Variants in DAOA observed in about 807,000 individuals in gnomAD.
DAOA encodes D-amino acid oxidase regulator.
DAOA carries 15 observed loss-of-function variants against 16.4 expected under a neutral mutation model. The ratio of observed to expected loss-of-function variants is 0.91; its 90% CI spans 0.61 to 1.41. The LOEUF (loss-of-function observed/expected upper bound fraction) is 1.41, where lower values mean the gene tolerates loss of function less well. DAOA is among the 40% of genes most tolerant of loss of function. The pLI is 0.00. For missense variants in DAOA, 230 were observed against 176.8 expected, an observed-to-expected ratio of 1.30 and a Z score of -1.71; for synonymous variants, 75 against 59.1, an observed-to-expected ratio of 1.27 and a Z score of -1.23.
At chr13:105,467,583 CT>C (rs71114923) in intron 3 of DAOA, 6,252 of 137,220 alleles carry the variant, frequency 0.046, 230 homozygotes, top group African/African-American at 0.1. Flanking sequence ...AATTCTTTTT[CT>C]TTTTTTTTTT....
intron 4 of DAOA, among the ~76,000 whole-genome samples, chr13:105,488,688 C>T (rs999264424): frequency 6.6e-5 from 10 of 152,134 alleles, no homozygotes; most frequent in African/African-American, 2.4e-4. Flanking sequence ...CTGCTTACTC[C>T]ACTGGAAAAG....
At chr13:105,466,150 C>T (rs1876494948) in intron 1 of DAOA, 66 bp from the exon 2 acceptor site, 1 of 1,352,566 alleles carries the variant, frequency 7.4e-7, no homozygotes, top group African/African-American at 1.5e-5. Context: ...TGCAAAAGAG[C>T]TACACCCCAA....
At chr13:105,471,450 C>G (rs1203282113) in intron 3 of DAOA, among the ~76,000 whole-genome samples, 3 of 152,068 alleles carry the variant, frequency 2.0e-5, no homozygotes, top group African/African-American at 7.2e-5. Context: ...AAGAGGGCTT[C>G]TAGGAAATGT....
intron 4 of DAOA, among the ~76,000 whole-genome samples, chr13:105,472,990 A>C (rs1460725220): frequency 6.6e-6 from 1 of 152,130 alleles, no homozygotes; most frequent in African/African-American, 2.4e-5. Context: ...GTAAATCTGG[A>C]TCACCCTCAA....
chr13:105,470,290 CT>C (rs1172470747), intron 3 of DAOA, among the ~76,000 whole-genome samples: 12 of 152,062 alleles, frequency 7.9e-5, no homozygotes, highest in African/African-American at 1.2e-4. Context: ...AAATGCTATT[CT>C]TTTCCAGTTT....
Position 105,472,659 on chromosome 13 carries a change from C to G in DAOA, c.255C>G (p.Val85=), listed in dbSNP as rs1022422500. 3.5e-5 allele frequency: 57 copies of G among 1,613,820 alleles called. No homozygotes were observed. The highest frequency in any genetic ancestry group is 4.7e-5 in the Non-Finnish European group (56 of 1,179,868). Residue 85 remains valine, a synonymous_variant, in exon 4 of 6, where the codon GTC becomes GTG. Transcript: ENST00000375936. The part of the protein sequence containing the change: ...RHLQRSLCPW[V]SYLPQPYAEL... ...TACAGAGATCATTATGTCCTTGGGT[C>G]TCTTACCTTCCTCAGCCCTATGCAG...
chr13:105,466,906 A>G (rs1876560710), intron 2 of DAOA, 147 bp from the exon 3 acceptor site: 2 of 1,077,586 alleles, frequency 1.9e-6, no homozygotes, highest in Non-Finnish European at 2.4e-6. Flanking sequence ...TAAAAAAATA[A>G]GACGTATTTG....
chr13:105,472,557 A>AAG lies in DAOA; in HGVS notation c.159_160dup (p.Thr54ArgfsTer3). The AAG allele has an allele frequency of 6.8e-6, 11 of 1,614,018 alleles. No individual in the cohort carries two copies. Among genetic ancestry groups the AAG allele is most frequent in the Non-Finnish European group, 9.3e-6 (11 of 1,179,922 alleles). Reference sequence around the variant, plus strand: ...TTGCAGCAAAGGAGACAGAAGAAGGAAGAGAGACGGTAACAAGGAAAGAAG... The same window carrying AAG: ...TTGCAGCAAAGGAGACAGAAGAAGGAAGAGAGAGACGGTAACAAGGAAAGAAG... On this transcript the variant is annotated frameshift_variant, in exon 4 of 6. Coordinates refer to ENST00000375936, the MANE Select transcript of DAOA (RefSeq NM_172370.5). LOFTEE classifies it high-confidence loss of function.
Position 105,489,961 on chromosome 13 carries a change from T to G in DAOA, c.342T>G (p.Leu114=), listed in dbSNP as rs766999863. The part of the protein sequence containing the change: ...KVFMARNYEF[L]AYEASKDRRQ... ...TCATGGCAAGAAACTATGAGTTCCT[T>G]GCCTATGAGGCCTCTAAGGACCGCA... Residue 114 remains leucine (L), a synonymous_variant, in exon 5 of 6, where the codon CTT becomes CTG. Coordinates refer to ENST00000375936, the MANE Select transcript of DAOA (RefSeq NM_172370.5). 16 of 1,613,830 alleles carry G rather than the reference T, an allele frequency of 9.9e-6. No homozygotes were observed. The South Asian group carries it at 1.4e-4, about 14-fold the overall frequency.
chr13:105,481,391 A>G (rs1322154285), intron 4 of DAOA, among the ~76,000 whole-genome samples: 1 of 152,144 alleles, frequency 6.6e-6, no homozygotes, highest in Non-Finnish European at 1.5e-5. Flanking sequence ...CTAGGATTTG[A>G]ATTCAAACCC....
At chr13:105,488,531 G>A (rs551944518) in intron 4 of DAOA, among the ~76,000 whole-genome samples, 9 of 152,156 alleles carry the variant, frequency 5.9e-5, no homozygotes, top group African/African-American at 1.4e-4. Flanking sequence ...GCTTAAAAAC[G>A]CAATTATCTG....
chr13:105,486,032 G>A (rs1463748960), intron 4 of DAOA, among the ~76,000 whole-genome samples: 1 of 152,134 alleles, frequency 6.6e-6, no homozygotes, highest in Non-Finnish European at 1.5e-5. Flanking sequence ...CAGCTCCTAT[G>A]TGCCACCTGG....
At chr13:105,490,789 G>A (rs902760827) in intron 5 of DAOA, 123 bp from the exon 6 acceptor site, 2 of 151,542 alleles carry the variant, frequency 1.3e-5, no homozygotes, top group Non-Finnish European at 2.9e-5. Context: ...GTAAGGTAAA[G>A]CAAAAAAAGT....
intron 3 of DAOA, among the ~76,000 whole-genome samples, chr13:105,468,919 C>T (rs564632999): frequency 1.3e-3 from 194 of 152,292 alleles, no homozygotes; most frequent in Non-Finnish European, 2.3e-3. Flanking sequence ...TATTTGCGTG[C>T]TAGTCTTGTT....
chr13:105,475,903 A>G (rs1877297826), intron 4 of DAOA, among the ~76,000 whole-genome samples: 1 of 152,182 alleles, frequency 6.6e-6, no homozygotes, highest in African/African-American at 2.4e-5. Flanking sequence ...TAATGGCTTC[A>G]ATTATTCACA....
intron 4 of DAOA, among the ~76,000 whole-genome samples, chr13:105,480,601 T>C (rs1877669344): frequency 6.6e-6 from 1 of 152,022 alleles, no homozygotes. Context: ...CTCGTGATTA[T>C]AGAGACTGAA....
intron 4 of DAOA, among the ~76,000 whole-genome samples, chr13:105,474,445 G>C (rs972639857): frequency 2.0e-5 from 3 of 152,090 alleles, no homozygotes; most frequent in East Asian, 3.9e-4. Flanking sequence ...GCACTATTCT[G>C]CTTCTTCAAA....
chr13:105,489,777 C>T (rs1316412272), intron 4 of DAOA, 124 bp from the exon 5 acceptor site: 1 of 1,599,652 alleles, frequency 6.3e-7, no homozygotes, highest in South Asian at 1.1e-5. Context: ...ACCCCTTACC[C>T]TTGAATGTGG....
chr13:105,475,252 G>A (rs958580862), intron 4 of DAOA, among the ~76,000 whole-genome samples: 1 of 152,110 alleles, frequency 6.6e-6, no homozygotes, highest in Admixed American at 6.5e-5. Flanking sequence ...GAGCCTTGGA[G>A]GGCACTATCA....
Sources: allele counts gnomAD v4.1 joint callset (sites outside exome capture counted in the v4.1 genomes callset), GRCh38; gene constraint gnomAD v4.1.1; transcripts MANE v1.5; gene names NCBI Gene and HGNC (gene_info 2026-07-23, HGNC 2026-07-21).